The following KCNJ6 variants were observed in gnomAD, a reference collection of about 807,000 sequenced individuals.
The protein encoded by KCNJ6 is potassium inwardly rectifying channel subfamily J member 6.
In KCNJ6, 9 loss-of-function variants were observed where a neutral mutation model predicts 34.2. The ratio of observed to expected loss-of-function variants is 0.26; its 90% confidence interval spans 0.16 to 0.46. The LOEUF is 0.46. Ranked by LOEUF, KCNJ6 falls within the 20% of genes least tolerant of loss-of-function variation. The pLI, the probability that KCNJ6 is intolerant of heterozygous loss-of-function variation, is 1.00. For missense variants in KCNJ6, 236 were observed against 531.3 expected (o/e 0.44, Z 5.46); for synonymous variants, 196 against 207.1 (o/e 0.95, Z 0.46).
At chr21:37,706,899 T>C (rs2054722619) in intron 3 of KCNJ6, among the ~76,000 whole-genome samples, 1 of 152,270 alleles carries the variant, frequency 6.6e-6, no homozygotes, top group African/African-American at 2.4e-5. Context: ...AATGGGAATA[T>C]AGAAATCATA....
intron 3 of KCNJ6, among the ~76,000 whole-genome samples, chr21:37,630,714 T>C (rs766275316): frequency 2.6e-5 from 4 of 152,224 alleles, no homozygotes; most frequent in African/African-American, 4.8e-5. Flanking sequence ...GATATACGTG[T>C]ATGTTGTGAA....
Position 37,675,895 on chromosome 21 carries a change from G to T in KCNJ6, c.946+38316C>A, listed in dbSNP as rs962900474. Among the ~76,000 whole-genome samples, 49 of 152,234 alleles carry T rather than the reference G, an allele frequency of 3.2e-4. No homozygotes were observed. The highest frequency in any genetic ancestry group is 1.2e-3 in the African/African-American group (48 of 41,554). ...GTGGGGGTGGGGGTGGGGGTGGGGTGCGCCGACCCTGCTGCGCTTGTCAGC... is the reference window on the plus strand; with the variant it reads ...GTGGGGGTGGGGGTGGGGGTGGGGTTCGCCGACCCTGCTGCGCTTGTCAGC... On this transcript the variant is annotated intron_variant, in intron 3 of 3. Transcript: ENST00000609713. This position sits in a 1 kb window ranked among gnomAD's most constrained non-coding sequence, Gnocchi z 4.2.
At chr21:37,793,012 G>T (rs111306026) in intron 2 of KCNJ6, among the ~76,000 whole-genome samples, 4,210 of 152,200 alleles carry the variant, frequency 0.028, 115 homozygotes, top group Non-Finnish European at 0.035. Flanking sequence ...GCTCCGGGGG[G>T]ACTCTGATCC....
At position 37,614,842 on chromosome 21, in the gene KCNJ6, G is replaced by A. The variant is rs1353722263; in HGVS notation, c.*10317C>T. ...TGTATGTGTGTGTGTTATGTAGGGA[G>A]AGGGTGCTTATATTGTTACTGTGTT... is the stretch of plus-strand genomic sequence containing the variant. On this transcript the variant is annotated 3_prime_UTR_variant, in exon 4 of 4. Transcript: ENST00000609713. 2 of 150,662 alleles carry A rather than the reference G, an allele frequency of 1.3e-5. No individual in the cohort carries two copies. The highest frequency in any genetic ancestry group is 4.9e-5 in the African/African-American group (2 of 41,126). The allele number at this position is 150,662 out of a possible 1,614,324, so 9.3% of individuals were successfully genotyped here. A position where few individuals can be genotyped will look rare whatever the true frequency, so the allele number is the denominator to read the frequency against.
intron 3 of KCNJ6, among the ~76,000 whole-genome samples, chr21:37,632,397 C>T (rs1210392016): frequency 2.0e-5 from 3 of 151,302 alleles, no homozygotes; most frequent in Admixed American, 1.3e-4. Flanking sequence ...ATTTATATGC[C>T]TAAATGCATA....
intron 2 of KCNJ6, among the ~76,000 whole-genome samples, chr21:37,747,436 G>A (rs899204945): frequency 6.6e-6 from 1 of 152,184 alleles, no homozygotes; most frequent in Non-Finnish European, 1.5e-5. Context: ...GAAAGGGAGG[G>A]GCCCCTAAGA....
rs116789826 is a variant in KCNJ6 at position 37,687,631 on chromosome 21, C to T, written c.946+26580G>A. Among the ~76,000 whole-genome samples the T allele has an allele frequency of 1.8e-3, 274 of 152,298 alleles. 1 individual carries two copies. Among genetic ancestry groups the T allele is most frequent in the African/African-American group, 6.2e-3 (259 of 41,562 alleles). The stretch of plus-strand genomic sequence containing the variant: ...TGTCAGACTTGCCTCTTGTTGCTCT[C>T]AATGTGCCTGTTTTATAGCAAATCC... On this transcript the variant is annotated intron_variant, in intron 3 of 3. Transcript: ENST00000609713.
rs1280555050 is a variant in KCNJ6, at chr21:37,608,118, G to A, written c.*17041C>T. 1 of 152,152 alleles carries A rather than the reference G, an allele frequency of 6.6e-6. No individual in the cohort carries two copies. Among genetic ancestry groups the A allele is most frequent in the Non-Finnish European group, 1.5e-5 (1 of 68,032 alleles). The allele number at this position is 152,152 out of a possible 1,614,324, so 9.4% of individuals were successfully genotyped here. A position where few individuals can be genotyped will look rare whatever the true frequency, so the allele number is the denominator to read the frequency against. On this transcript the variant is annotated 3_prime_UTR_variant, in exon 4 of 4. Coordinates refer to ENST00000609713, the MANE Select transcript of KCNJ6 (RefSeq NM_002240.5). The stretch of plus-strand genomic sequence containing the variant: ...TGGGTTTATCAATAATACTGTTCAT[G>A]CTATTCGTTTCTTAGTCCTTGTCCT...
chr21:37,745,875 C>T (rs558568668), intron 2 of KCNJ6, among the ~76,000 whole-genome samples: 318 of 152,296 alleles, frequency 2.1e-3, no homozygotes, highest in African/African-American at 5.1e-3. Context: ...ACGGTGTGTT[C>T]GCTGGGGCAG....
intron 2 of KCNJ6, among the ~76,000 whole-genome samples, chr21:37,760,511 C>T (rs1482626070): frequency 6.6e-6 from 1 of 152,188 alleles, no homozygotes; most frequent in East Asian, 1.9e-4. Context: ...GGATCTTTCC[C>T]TCCCCAGACA....
chr21:37,854,020 C>T (rs2055552113), intron 1 of KCNJ6, among the ~76,000 whole-genome samples: 1 of 149,610 alleles, frequency 6.7e-6, no homozygotes, highest in Admixed American at 6.6e-5. Context: ...AAAAAAACCC[C>T]AGAGAATCAC....
chr21:37,639,706 G>A (rs2054372784), intron 3 of KCNJ6, among the ~76,000 whole-genome samples: 1 of 152,176 alleles, frequency 6.6e-6, no homozygotes, highest in Non-Finnish European at 1.5e-5. Flanking sequence ...TTGGATTTGT[G>A]TCCCTGCCCA....
intron 2 of KCNJ6, among the ~76,000 whole-genome samples, chr21:37,748,691 C>T (rs2054979667): frequency 6.6e-6 from 1 of 152,214 alleles, no homozygotes; most frequent in Admixed American, 6.5e-5. Context: ...TCCCAACAGG[C>T]TTTGTGGAGG....
chr21:37,758,383 C>A (rs1270868811), intron 2 of KCNJ6, among the ~76,000 whole-genome samples: 2 of 152,190 alleles, frequency 1.3e-5, no homozygotes, highest in Admixed American at 6.5e-5. Context: ...CTGTAAATAT[C>A]ACCTCCTCCT....
At chr21:37,747,631 A>G (rs1333282379) in intron 2 of KCNJ6, among the ~76,000 whole-genome samples, 1 of 152,022 alleles carries the variant, frequency 6.6e-6, no homozygotes, top group Non-Finnish European at 1.5e-5. Context: ...TGGGAGAGGG[A>G]GGCAGGAGAG....
intron 1 of KCNJ6, among the ~76,000 whole-genome samples, chr21:37,893,514 C>T (rs1319610588): frequency 6.6e-6 from 1 of 152,172 alleles, no homozygotes; most frequent in Non-Finnish European, 1.5e-5. Flanking sequence ...CCTGTTCCCC[C>T]TATTTTCTAG....
At position 37,616,637 on chromosome 21, in the gene KCNJ6, C is replaced by T. The variant is rs896133147; in HGVS notation, c.*8522G>A. Reference sequence around the variant, plus strand: ...TATATGGTTAGACTCTGAACATATACGCTCGGTTAAAATTGGTGGTGGCTA... The same window carrying T: ...TATATGGTTAGACTCTGAACATATATGCTCGGTTAAAATTGGTGGTGGCTA... On this transcript the variant is annotated 3_prime_UTR_variant, in exon 4 of 4. Transcript: ENST00000609713. 2.3e-4 allele frequency: 23 copies of T among 101,682 alleles called. 1 individual carries two copies. Among genetic ancestry groups the T allele is most frequent in the African/African-American group, 3.5e-4 (9 of 25,710 alleles). The allele number at this position is 101,682 out of a possible 1,614,324, so 6.3% of individuals were successfully genotyped here. A position where few individuals can be genotyped will look rare whatever the true frequency, so the allele number is the denominator to read the frequency against.
chr21:37,680,072 GTC>G (rs2054584053), intron 3 of KCNJ6, among the ~76,000 whole-genome samples: 1 of 152,002 alleles, frequency 6.6e-6, no homozygotes, highest in South Asian at 2.1e-4. Flanking sequence ...CTTTTTTCCT[GTC>G]TCTCTGATAC....
chr21:37,729,728 G>A (rs900069529), intron 2 of KCNJ6, among the ~76,000 whole-genome samples: 6 of 152,182 alleles, frequency 3.9e-5, no homozygotes, highest in Admixed American at 1.3e-4. Flanking sequence ...TAGGTTGTCC[G>A]CTAACAAAGA....
Sources: gnomAD v4.1 joint callset for allele counts (sites outside exome capture counted in the v4.1 genomes callset) on GRCh38, gnomAD v4.1.1 for gene constraint, Gnocchi (gnomAD v3.1) non-coding constraint, MANE v1.5 for transcripts, NCBI Gene and HGNC (gene_info 2026-07-23, HGNC 2026-07-21) for gene names.